RPL31: variants seen among roughly 807,000 people sequenced by gnomAD.
The protein encoded by RPL31 is ribosomal protein L31.
For missense variants in RPL31, 95 were observed against 164.0 expected, an observed-to-expected ratio of 0.58 and a Z score of 2.30; for synonymous variants, 51 against 55.0, an observed-to-expected ratio of 0.93 and a Z score of 0.32.
At chr2:101,011,587 C>T, downstream of RPL31, 1 of 1,592,038 alleles carries the variant, frequency 6.3e-7, no homozygotes, top group Non-Finnish European at 8.6e-7. Flanking sequence ...TTCTGCCTTA[C>T]CAAAACTGAC....
intron 4 of RPL31, chr2:101,018,178 T>C (rs1558622761): frequency 2.6e-6 from 1 of 384,754 alleles, no homozygotes; most frequent in Non-Finnish European, 4.7e-6. Context: ...TAATCTATAA[T>C]TATGTTTTAG....
downstream of RPL31, among the ~76,000 whole-genome samples, chr2:101,008,810 TTA>T (rs1491532134): frequency 2.1e-5 from 3 of 141,508 alleles, no homozygotes; most frequent in African/African-American, 7.9e-5. Flanking sequence ...AAACTTTGTC[TTA>T]AAAAAAAAAA....
At chr2:101,013,865 TTA>T (rs1679419032) in intron 4 of RPL31, among the ~76,000 whole-genome samples, 1 of 152,244 alleles carries the variant, frequency 6.6e-6, no homozygotes, top group Admixed American at 6.5e-5. Flanking sequence ...TCCACCATGC[TTA>T]TTTTGCAAAA....
chr2:101,005,237 A>G (rs1484577992), intron 3 of RPL31: 1 of 152,278 alleles, frequency 6.6e-6, no homozygotes, highest in Non-Finnish European at 1.5e-5. Flanking sequence ...TGCTACGGAG[A>G]GGGTAAGACA....
intron 2 of RPL31, among the ~76,000 whole-genome samples, chr2:101,003,691 A>G (rs761425451): frequency 5.9e-5 from 9 of 152,224 alleles, no homozygotes; most frequent in Non-Finnish European, 1.0e-4. Flanking sequence ...GCCATTCATC[A>G]TACTCAAGAA....
chr2:101,009,307 G>A (rs1227446014), downstream of RPL31, among the ~76,000 whole-genome samples: 2 of 151,840 alleles, frequency 1.3e-5, no homozygotes, highest in African/African-American at 4.8e-5. Context: ...TCGGGAAGCT[G>A]AGGCAGGAGA....
At chr2:101,007,821 C>T (rs772951152), downstream of RPL31, 43 of 1,612,972 alleles carry the variant, frequency 2.7e-5, no homozygotes, top group Non-Finnish European at 3.3e-5. Context: ...TGCTGTCTTG[C>T]TACAAGTTAC....
At chr2:101,013,213 C>T (rs1185586265) in intron 4 of RPL31, among the ~76,000 whole-genome samples, 1 of 152,184 alleles carries the variant, frequency 6.6e-6, no homozygotes, top group Non-Finnish European at 1.5e-5. Flanking sequence ...TCTGCCGTCA[C>T]AGCATATGAA....
chr2:101,006,644 C>G lies in RPL31; in HGVS notation c.*263C>G, dbSNP rs1190188545. On this transcript the variant is annotated 3_prime_UTR_variant, in exon 5 of 5. Transcript: ENST00000264258. ...TTAATTATTCTACTTGTATGTTTTG[C>G]TAATTCTAAGATAAGCATTTTTCCA... The G allele has an allele frequency of 2.6e-6, 1 of 380,926 alleles. No homozygotes were observed. The highest frequency in any genetic ancestry group is 4.7e-6 in the Non-Finnish European group (1 of 214,812). The allele number at this position is 380,926 out of a possible 1,614,324, so 23.6% of individuals were successfully genotyped here.
chr2:101,005,761 C>T (rs926078123), intron 3 of RPL31, 198 bp from the exon 4 acceptor site: 2 of 581,756 alleles, frequency 3.4e-6, no homozygotes, highest in African/African-American at 3.8e-5. Context: ...TTCAAACAAG[C>T]ATCCCTCCTG....
chr2:101,011,458 T>A, downstream of RPL31: 1 of 1,613,822 alleles, frequency 6.2e-7, no homozygotes, highest in East Asian at 2.2e-5. Flanking sequence ...TGCCATTGGG[T>A]TTCCCGAAAA....
intron 4 of RPL31, among the ~76,000 whole-genome samples, chr2:101,014,530 A>G (rs766139472): frequency 3.9e-5 from 6 of 152,198 alleles, no homozygotes; most frequent in Non-Finnish European, 8.8e-5. Flanking sequence ...AATCTTTAGA[A>G]TGACTGTTTT....
chr2:101,017,893 T>C lies in RPL31; in HGVS notation c.347-1105T>C. On this transcript the variant is annotated intron_variant, in intron 4 of 4. Coordinates refer to the RPL31 transcript ENST00000409028. ...ACGATGATCTCTTCAAAACAGATTG[T>C]CACCATCAGTGAGAAACCGAACAAG... 4 of 1,550,974 alleles carry C rather than the reference T, an allele frequency of 2.6e-6. No individual in the cohort carries two copies. The Middle Eastern group carries it at 5.0e-4, about 194-fold the overall frequency.
At chr2:101,004,333 T>C in intron 3 of RPL31, 50 bp downstream of exon 3, 1 of 1,605,832 alleles carries the variant, frequency 6.2e-7, no homozygotes, top group Non-Finnish European at 8.5e-7. Flanking sequence ...TGACACCAGC[T>C]TCACTTAACC....
chr2:101,005,734 G>A lies in RPL31; in HGVS notation c.234-225G>A, dbSNP rs117420680. ...GATTAACCGGTTGGGTATCAATGGT[G>A]GCTACCTTAACATGTCTTCAAACAA... On this transcript the variant is annotated intron_variant, in intron 3 of 4. Transcript: ENST00000264258. The A allele has an allele frequency of 2.9e-3, 1,594 of 553,490 alleles. 43 individuals are homozygous for A. The East Asian group carries it at 0.048, about 17-fold the overall frequency. 34.3% of individuals were successfully genotyped at this position (553,490 alleles called of 1,614,324 possible).
intron 1 of RPL31, 42 bp downstream of exon 1, chr2:101,002,357 C>T (rs1678573429): frequency 4.1e-6 from 1 of 242,816 alleles, no homozygotes; most frequent in African/African-American, 2.3e-5. Context: ...GAATCCAGCC[C>T]CATCCTCCTT....
chr2:101,011,614 A>G (rs1476872920), downstream of RPL31: 4 of 1,485,814 alleles, frequency 2.7e-6, no homozygotes, highest in African/African-American at 5.5e-5. Flanking sequence ...GTAGCTTTCT[A>G]GGCAACTAAA....
chr2:101,005,874 G>A (rs1216815667), intron 3 of RPL31, 85 bp from the exon 4 acceptor site: 4 of 1,119,546 alleles, frequency 3.6e-6, no homozygotes, highest in Admixed American at 1.9e-5. Context: ...ATTAGAAGCA[G>A]GCATATGAGA....
At chr2:101,013,737 G>A (rs535896194) in intron 4 of RPL31, among the ~76,000 whole-genome samples, 2 of 152,328 alleles carry the variant, frequency 1.3e-5, no homozygotes, top group South Asian at 2.1e-4. Flanking sequence ...CTGTGGAGGC[G>A]ACAAGCCAGT....
Sources: gnomAD v4.1 joint callset for allele counts (sites outside exome capture counted in the v4.1 genomes callset) on GRCh38, gnomAD v4.1.1 for gene constraint, MANE v1.5 for transcripts, NCBI Gene and HGNC (gene_info 2026-07-23, HGNC 2026-07-21) for gene names.